KCNQ5: variants seen among roughly 807,000 people sequenced by gnomAD.
KCNQ5 encodes the protein potassium voltage-gated channel subfamily KQT member 5.
In KCNQ5, 30 loss-of-function variants were observed where a neutral mutation model predicts 98.2. That is an observed-to-expected ratio of 0.31 (90% CI 0.23 to 0.41). The LOEUF (loss-of-function observed/expected upper bound fraction) is 0.41, where lower values mean the gene tolerates loss of function less well. KCNQ5 is among the 10% of genes least tolerant of loss of function. The pLI, the probability that KCNQ5 is intolerant of heterozygous loss-of-function variation, is 1.00. For synonymous variants in KCNQ5, 458 were observed against 449.4 expected, an observed-to-expected ratio of 1.02 and a Z score of -0.24; for missense variants, 835 against 1,182.5, an observed-to-expected ratio of 0.71 and a Z score of 4.31.
chr6:72,997,782 CAAAAAAAA>C (rs70994154), intron 1 of KCNQ5, among the ~76,000 whole-genome samples: 28 of 62,060 alleles, frequency 4.5e-4, no homozygotes, highest in South Asian at 3.2e-3. Context: ...GACTCTGTCT[CAAAAAAAA>C]AAAAAAAAAA....
At chr6:72,711,460 T>G (rs527568701) in intron 1 of KCNQ5, among the ~76,000 whole-genome samples, 2 of 152,252 alleles carry the variant, frequency 1.3e-5, no homozygotes, top group South Asian at 2.1e-4. Flanking sequence ...ACTTGGTGCA[T>G]TTGAGAATCT....
intron 11 of KCNQ5, among the ~76,000 whole-genome samples, chr6:73,179,030 G>A (rs1171216904): frequency 6.6e-6 from 1 of 152,082 alleles, no homozygotes; most frequent in Non-Finnish European, 1.5e-5. Context: ...AAAGGCTCTG[G>A]GTCACCTGAA....
chr6:73,138,111 C>T (rs994150503), intron 10 of KCNQ5, among the ~76,000 whole-genome samples: 1 of 152,186 alleles, frequency 6.6e-6, no homozygotes, highest in South Asian at 2.1e-4. Flanking sequence ...GATCAAGTAT[C>T]TGGGAAGAGA....
intron 1 of KCNQ5, among the ~76,000 whole-genome samples, chr6:72,831,268 A>T (rs1776254333): frequency 6.6e-6 from 1 of 152,206 alleles, no homozygotes; most frequent in Admixed American, 6.5e-5. Flanking sequence ...TGCTATAAAG[A>T]CACATGCACA....
At chr6:72,725,430 G>T (rs909479408) in intron 1 of KCNQ5, among the ~76,000 whole-genome samples, 8 of 152,052 alleles carry the variant, frequency 5.3e-5, no homozygotes, top group Admixed American at 1.3e-4. Context: ...AAGAAGTGTA[G>T]TAGAAAAAGA....
chr6:72,847,260 G>A (rs982866716), intron 1 of KCNQ5, among the ~76,000 whole-genome samples: 1 of 152,172 alleles, frequency 6.6e-6, no homozygotes, highest in Non-Finnish European at 1.5e-5. Flanking sequence ...CGCCTTGTGG[G>A]TTCAAGCAAT....
At chr6:72,736,550 A>G (rs926531728) in intron 1 of KCNQ5, among the ~76,000 whole-genome samples, 1 of 124,976 alleles carries the variant, frequency 8.0e-6, no homozygotes. Flanking sequence ...CCCAGGCTGG[A>G]GTGCAGTGGC....
intron 5 of KCNQ5, among the ~76,000 whole-genome samples, chr6:73,104,499 T>A (rs924596237): frequency 6.6e-6 from 1 of 152,158 alleles, no homozygotes; most frequent in African/African-American, 2.4e-5. Flanking sequence ...GCTGAACAAC[T>A]CATACTTTTC....
intron 11 of KCNQ5, among the ~76,000 whole-genome samples, chr6:73,170,057 G>A (rs538089558): frequency 4.6e-5 from 7 of 152,048 alleles, no homozygotes; most frequent in Admixed American, 2.6e-4. Context: ...GTTATAAAAC[G>A]TGGGTGGGAT....
intron 1 of KCNQ5, among the ~76,000 whole-genome samples, chr6:72,935,531 A>ATCT (rs1765878580): frequency 6.6e-6 from 1 of 152,076 alleles, no homozygotes; most frequent in African/African-American, 2.4e-5. Flanking sequence ...GCTGCATCAA[A>ATCT]TCTTCTCTTC....
intron 1 of KCNQ5, among the ~76,000 whole-genome samples, chr6:72,696,452 T>A (rs1332945172): frequency 6.6e-6 from 1 of 152,216 alleles, no homozygotes; most frequent in Non-Finnish European, 1.5e-5. Context: ...GTTTCCTTTT[T>A]AAATGAGTGT....
chr6:72,757,044 A>G (rs996630621), intron 1 of KCNQ5, among the ~76,000 whole-genome samples: 2 of 152,156 alleles, frequency 1.3e-5, no homozygotes, highest in African/African-American at 4.8e-5. Flanking sequence ...TTTCAAATAT[A>G]AAAGGAAATG....
At chr6:72,743,483 A>G (rs1260028959) in intron 1 of KCNQ5, among the ~76,000 whole-genome samples, 2 of 152,166 alleles carry the variant, frequency 1.3e-5, no homozygotes, top group South Asian at 4.1e-4. Context: ...TTTATTTTAT[A>G]TTATACAATA....
intron 1 of KCNQ5, among the ~76,000 whole-genome samples, chr6:72,721,388 A>T (rs1382694215): frequency 1.3e-5 from 2 of 152,162 alleles, no homozygotes; most frequent in Non-Finnish European, 2.9e-5. Flanking sequence ...ACAAGCTTAA[A>T]ATACACTTTT....
chr6:72,796,377 G>T (rs1323041158), intron 1 of KCNQ5, among the ~76,000 whole-genome samples: 1 of 152,094 alleles, frequency 6.6e-6, no homozygotes, highest in Non-Finnish European at 1.5e-5. Context: ...CAATGATGTA[G>T]GTGTTGTATT....
chr6:72,808,523 A>T (rs549399364), intron 1 of KCNQ5, among the ~76,000 whole-genome samples: 29 of 152,300 alleles, frequency 1.9e-4, no homozygotes, highest in Admixed American at 1.4e-3. Context: ...TATGTTACTC[A>T]TCCTGATAAT....
At chr6:72,814,895 T>A (rs1775424511) in intron 1 of KCNQ5, among the ~76,000 whole-genome samples, 1 of 152,208 alleles carries the variant, frequency 6.6e-6, no homozygotes, top group African/African-American at 2.4e-5. Context: ...TAATGCTTAT[T>A]TGGAGTTTTA....
chr6:73,063,721 TGATAGATAGATA>T lies in KCNQ5; in HGVS notation c.617-13568_617-13557del, dbSNP rs11388162. The stretch of plus-strand genomic sequence containing the variant: ...ATAGATAGATAGATAGATAGATAGA[TGATAGATAGATA>T]GATAGATAGATAGATAGATAGATAG... On this transcript the variant is annotated intron_variant, in intron 3 of 13. Transcript: ENST00000370398. Among the ~76,000 whole-genome samples the T allele has an allele frequency of 1.4e-3, 135 of 96,082 alleles. 1 individual carries two copies. The highest frequency in any genetic ancestry group is 4.1e-3 in the African/African-American group (106 of 26,050). 63.0% of individuals were successfully genotyped at this position (96,082 alleles called of 152,430 possible). A position where few individuals can be genotyped will look rare whatever the true frequency, so the allele number is the denominator to read the frequency against.
At chr6:72,982,032 A>G (rs1582133340) in intron 1 of KCNQ5, among the ~76,000 whole-genome samples, 1 of 152,092 alleles carries the variant, frequency 6.6e-6, no homozygotes, top group Admixed American at 6.5e-5. Flanking sequence ...GTTTGTTGTG[A>G]TTTCTGTCCT....
Sources: gnomAD v4.1 joint callset for allele counts (sites outside exome capture counted in the v4.1 genomes callset) on GRCh38, gnomAD v4.1.1 for gene constraint, MANE v1.5 for transcripts, NCBI Gene and HGNC (gene_info 2026-07-23, HGNC 2026-07-21) for gene names.